Variants in TMEM177 observed in about 807,000 individuals in gnomAD.
The protein encoded by TMEM177 is transmembrane protein 177.
TMEM177 carries 4 observed loss-of-function variants against 14.2 expected under a neutral mutation model. The observed-to-expected ratio is 0.28, with a 90% confidence interval of 0.14 to 0.64. The LOEUF (loss-of-function observed/expected upper bound fraction) is 0.64, where lower values mean the gene tolerates loss of function less well. TMEM177 is among the 30% of genes least tolerant of loss of function. The pLI, the probability that TMEM177 is intolerant of heterozygous loss-of-function variation, is 0.82. For synonymous variants in TMEM177, 179 were observed against 174.5 expected (o/e 1.03, Z -0.20); for missense variants, 344 against 405.2 (o/e 0.85, Z 1.30).
chr2:119,714,214 G>A, the TMEM177 span, among the ~76,000 whole-genome samples: 1 of 152,202 alleles, frequency 6.6e-6, no homozygotes, highest in African/African-American at 2.4e-5. Context: ...GCAACAAAGG[G>A]AGGGATGTGC....
At chr2:119,715,948 C>A in the TMEM177 span, among the ~76,000 whole-genome samples, 11 of 152,184 alleles carry the variant, frequency 7.2e-5, no homozygotes, top group Non-Finnish European at 1.5e-4. Context: ...TGCAGTGACC[C>A]ATGGGCCCAG....
chr2:119,695,215 A>G, the TMEM177 span, among the ~76,000 whole-genome samples: 2 of 152,200 alleles, frequency 1.3e-5, no homozygotes, highest in African/African-American at 4.8e-5. Context: ...AATGTGGACA[A>G]ATGGGACTGG....
chr2:119,701,453 C>A, the TMEM177 span, among the ~76,000 whole-genome samples: 1 of 152,088 alleles, frequency 6.6e-6, no homozygotes, highest in Non-Finnish European at 1.5e-5. Flanking sequence ...GGATTGAGAG[C>A]AGAGGGAGCC....
chr2:119,697,643 C>T, the TMEM177 span, among the ~76,000 whole-genome samples: 1 of 152,182 alleles, frequency 6.6e-6, no homozygotes, highest in African/African-American at 2.4e-5. Context: ...CCCCCCTTCC[C>T]AGAAAACTAC....
At chr2:119,688,752 C>T (rs1175716989), downstream of TMEM177, among the ~76,000 whole-genome samples, 1 of 152,190 alleles carries the variant, frequency 6.6e-6, no homozygotes, top group Admixed American at 6.5e-5. Flanking sequence ...TCTGGCATCC[C>T]TGCTTCTGGC....
At chr2:119,713,605 C>T in the TMEM177 span, among the ~76,000 whole-genome samples, 13 of 152,088 alleles carry the variant, frequency 8.5e-5, no homozygotes, top group African/African-American at 2.9e-4. Flanking sequence ...TTTGGGAGCC[C>T]GAGGCAGGAG....
At chr2:119,680,090 A>T (rs1048426627) in intron 1 of TMEM177, among the ~76,000 whole-genome samples, 1 of 152,010 alleles carries the variant, frequency 6.6e-6, no homozygotes, top group Non-Finnish European at 1.5e-5. Flanking sequence ...TTGCATCCTA[A>T]TCTCTTCTTA....
the TMEM177 span, among the ~76,000 whole-genome samples, chr2:119,710,798 G>A: frequency 6.6e-6 from 1 of 151,450 alleles, no homozygotes; most frequent in African/African-American, 2.4e-5. Context: ...TTTTAGTAGA[G>A]ACGGTGTTTC....
At position 119,681,545 on chromosome 2, in the gene TMEM177, TG is replaced by T; in HGVS notation, c.694del (p.Asp232ThrfsTer122). 3 of 1,614,206 alleles carry T rather than the reference TG, an allele frequency of 1.9e-6. No homozygotes were observed. The highest frequency in any genetic ancestry group is 2.5e-6 in the Non-Finnish European group (3 of 1,180,036). ...CTCACTCATGCCGTGGAGTCCTGGC[TG>T]GACCGCCGCACGGCCTCCCTCTCTG... ...DSLTHAVESW[L>X]DRRTASLSAA... On this transcript the variant is annotated frameshift_variant, in exon 2 of 2. Coordinates refer to ENST00000272521, the MANE Select transcript of TMEM177 (RefSeq NM_030577.3). LOFTEE classifies it high-confidence loss of function.
At chr2:119,716,601 T>A in the TMEM177 span, among the ~76,000 whole-genome samples, 1 of 152,052 alleles carries the variant, frequency 6.6e-6, no homozygotes. Flanking sequence ...GACTTGGAGC[T>A]CCACATGCTC....
chr2:119,689,961 T>A (rs1039581223), downstream of TMEM177, among the ~76,000 whole-genome samples: 3 of 152,226 alleles, frequency 2.0e-5, no homozygotes, highest in Non-Finnish European at 2.9e-5. Flanking sequence ...TTTCTTCCAG[T>A]CTCAGCCCCC....
chr2:119,707,317 T>A, the TMEM177 span, among the ~76,000 whole-genome samples: 1 of 152,190 alleles, frequency 6.6e-6, no homozygotes, highest in Non-Finnish European at 1.5e-5. Context: ...TTCGTTTAGC[T>A]GGGCACATTA....
chr2:119,699,501 G>T, the TMEM177 span, among the ~76,000 whole-genome samples: 4 of 152,142 alleles, frequency 2.6e-5, no homozygotes, highest in African/African-American at 4.8e-5. Context: ...GGGTTCCATT[G>T]TCTTGTTAGG....
the TMEM177 span, among the ~76,000 whole-genome samples, chr2:119,713,073 CT>C: frequency 0.24 from 34,771 of 146,332 alleles, 3,951 homozygotes; most frequent in South Asian, 0.31. Flanking sequence ...TAATGGTTTT[CT>C]TTTTTTTTTT....
the TMEM177 span, among the ~76,000 whole-genome samples, chr2:119,705,442 C>T: frequency 6.6e-6 from 1 of 152,166 alleles, no homozygotes; most frequent in South Asian, 2.1e-4. Context: ...CAGAATCTGT[C>T]GCCTTACGGT....
chr2:119,716,758 C>T, the TMEM177 span, among the ~76,000 whole-genome samples: 14 of 152,196 alleles, frequency 9.2e-5, no homozygotes, highest in Non-Finnish European at 2.1e-4. Flanking sequence ...GGGGGTCTCT[C>T]TCTTCTAGTC....
chr2:119,704,040 T>C, the TMEM177 span, among the ~76,000 whole-genome samples: 2 of 152,206 alleles, frequency 1.3e-5, no homozygotes, highest in East Asian at 3.8e-4. Flanking sequence ...CAGAACTTTG[T>C]ATTTAAAAAA....
downstream of TMEM177, among the ~76,000 whole-genome samples, chr2:119,685,391 C>T (rs1055936037): frequency 6.6e-6 from 1 of 152,066 alleles, no homozygotes; most frequent in Admixed American, 6.6e-5. Context: ...ATGCAAGGTT[C>T]CACTCAGCCT....
chr2:119,693,934 T>A, the TMEM177 span, among the ~76,000 whole-genome samples: 70 of 3,184 alleles, frequency 0.022, 1 homozygote, highest in African/African-American at 0.029. Flanking sequence ...GCCACACACA[T>A]CACACAAGCC....
Sources: gnomAD v4.1 joint callset for allele counts (sites outside exome capture counted in the v4.1 genomes callset) on GRCh38, gnomAD v4.1.1 for gene constraint, MANE v1.5 for transcripts, NCBI Gene and HGNC (gene_info 2026-07-23, HGNC 2026-07-21) for gene names.